The following TMEM45A variants were observed in gnomAD, a reference collection of about 807,000 sequenced individuals.
TMEM45A encodes transmembrane protein 45A.
A neutral mutation model predicts 32.0 loss-of-function variants in TMEM45A; 25 were observed. The observed-to-expected ratio is 0.78, with a 90% CI of 0.57 to 1.09. The LOEUF (loss-of-function observed/expected upper bound fraction) is 1.09, where lower values mean the gene tolerates loss of function less well. Ranked by LOEUF, TMEM45A falls within the 50% of genes least tolerant of loss-of-function variation. The probability of loss-of-function intolerance (pLI) is 0.00; values close to 1 mark genes in which losing one functional copy is unlikely to be tolerated. For synonymous variants in TMEM45A, 122 were observed against 114.8 expected (o/e 1.06, Z -0.40); for missense variants, 302 against 325.0 (o/e 0.93, Z 0.54).
At chr3:100,528,426 C>A (rs951984869) in intron 1 of TMEM45A, among the ~76,000 whole-genome samples, 4 of 152,106 alleles carry the variant, frequency 2.6e-5, no homozygotes, top group Non-Finnish European at 4.4e-5. Context: ...AATTTGTATA[C>A]CTGACCTTCT....
At chr3:100,505,529 T>G (rs1233066559) in intron 1 of TMEM45A, among the ~76,000 whole-genome samples, 2 of 152,266 alleles carry the variant, frequency 1.3e-5, no homozygotes, top group Non-Finnish European at 2.9e-5. Context: ...AGTGCGTCTT[T>G]GCCAAGCATC....
In TMEM45A at chr3:100,552,874, T is replaced by C. The variant is rs185494146; in HGVS notation, c.-3-2335T>C. Among the ~76,000 whole-genome samples, 350 of 152,314 alleles carry C rather than the reference T, an allele frequency of 2.3e-3. 3 individuals are homozygous for C. Among genetic ancestry groups the C allele is most frequent in the African/African-American group, 7.9e-3 (329 of 41,576 alleles). ...TGCTTTCAAGGAGTTTATTCTCTAATTGCAGTCAAGGAGTTCAATAACCAC... is the reference window on the plus strand; with the variant it reads ...TGCTTTCAAGGAGTTTATTCTCTAACTGCAGTCAAGGAGTTCAATAACCAC... On this transcript the variant is annotated intron_variant, in intron 1 of 5. Coordinates refer to ENST00000323523, the MANE Select transcript of TMEM45A (RefSeq NM_018004.3).
intron 1 of TMEM45A, among the ~76,000 whole-genome samples, chr3:100,505,414 ATTTC>A: frequency 1.5e-5 from 1 of 66,444 alleles, no homozygotes; most frequent in Non-Finnish European, 3.6e-5. Flanking sequence ...TCAGAAGAAG[ATTTC>A]ATTGTCTTTT....
At chr3:100,508,984 A>G (rs1212582344) in intron 1 of TMEM45A, among the ~76,000 whole-genome samples, 1 of 152,234 alleles carries the variant, frequency 6.6e-6, no homozygotes, top group Non-Finnish European at 1.5e-5. Flanking sequence ...ATATTAAACT[A>G]GAAAGCTTCT....
At chr3:100,520,975 T>C (rs926840903) in intron 1 of TMEM45A, among the ~76,000 whole-genome samples, 4 of 152,194 alleles carry the variant, frequency 2.6e-5, no homozygotes, top group Non-Finnish European at 5.9e-5. Context: ...CTTTGGCCCA[T>C]GATGGATCAT....
chr3:100,559,412 G>T (rs1269268474), intron 4 of TMEM45A, among the ~76,000 whole-genome samples: 1 of 152,132 alleles, frequency 6.6e-6, no homozygotes, highest in Non-Finnish European at 1.5e-5. Flanking sequence ...GGTAGGTGAG[G>T]GGGAGAGAAA....
intron 5 of TMEM45A, chr3:100,570,571 G>A: frequency 6.6e-6 from 1 of 152,486 alleles, no homozygotes; most frequent in Non-Finnish European, 1.5e-5. Context: ...GACTGGCTCT[G>A]CCATTGAGTG....
At chr3:100,527,721 G>A (rs1230706602) in intron 1 of TMEM45A, among the ~76,000 whole-genome samples, 4 of 152,154 alleles carry the variant, frequency 2.6e-5, no homozygotes, top group Non-Finnish European at 5.9e-5. Flanking sequence ...AACTTTGGCC[G>A]AGGAATCTTC....
At chr3:100,563,754 T>C (rs560371249) in intron 4 of TMEM45A, among the ~76,000 whole-genome samples, 2 of 152,286 alleles carry the variant, frequency 1.3e-5, no homozygotes, top group South Asian at 4.1e-4. Flanking sequence ...TCCGGGGGCT[T>C]CAGGGACCTG....
chr3:100,547,850 G>T (rs974084669), intron 1 of TMEM45A, among the ~76,000 whole-genome samples: 11 of 152,148 alleles, frequency 7.2e-5, no homozygotes, highest in African/African-American at 2.7e-4. Flanking sequence ...TGAAGAGTTA[G>T]TTACAAGCAG....
At chr3:100,515,714 T>C (rs1708251844) in intron 1 of TMEM45A, among the ~76,000 whole-genome samples, 2 of 151,300 alleles carry the variant, frequency 1.3e-5, no homozygotes, top group Admixed American at 6.6e-5. Flanking sequence ...GAACTGCAGG[T>C]CATTATGTTA....
At chr3:100,529,386 A>G (rs960813170) in intron 1 of TMEM45A, among the ~76,000 whole-genome samples, 1 of 152,140 alleles carries the variant, frequency 6.6e-6, no homozygotes, top group African/African-American at 2.4e-5. Flanking sequence ...ATAAATAAGC[A>G]GCTCCTGGGT....
At chr3:100,528,009 A>G (rs1705578712) in intron 1 of TMEM45A, among the ~76,000 whole-genome samples, 2 of 152,376 alleles carry the variant, frequency 1.3e-5, no homozygotes, top group South Asian at 4.1e-4. Context: ...CAGAATGCTT[A>G]GTGAAATTTG....
intron 1 of TMEM45A, among the ~76,000 whole-genome samples, chr3:100,549,878 TC>T: frequency 6.6e-6 from 1 of 151,944 alleles, no homozygotes; most frequent in Middle Eastern, 3.4e-3. Flanking sequence ...TTCATCCATG[TC>T]CCTACAAAGG....
chr3:100,532,257 A>G (rs1426041231), intron 1 of TMEM45A, among the ~76,000 whole-genome samples: 1 of 152,204 alleles, frequency 6.6e-6, no homozygotes, highest in African/African-American at 2.4e-5. Flanking sequence ...CCCCGACATC[A>G]TGTTAAACCA....
chr3:100,560,006 G>GT (rs1251338697), intron 4 of TMEM45A, among the ~76,000 whole-genome samples: 1 of 152,092 alleles, frequency 6.6e-6, no homozygotes, highest in Non-Finnish European at 1.5e-5. Context: ...GTGATGGTTG[G>GT]TTTTTTGGCT....
intron 1 of TMEM45A, among the ~76,000 whole-genome samples, chr3:100,539,137 G>A (rs778165888): frequency 3.3e-5 from 5 of 152,036 alleles, no homozygotes; most frequent in Admixed American, 1.3e-4. Flanking sequence ...CCCAGAATAC[G>A]CCAACATGAT....
rs748350760 is a variant in TMEM45A, at chr3:100,562,815, AT to A, written c.588+4227del. Among the ~76,000 whole-genome samples, 9 of 152,220 alleles carry A rather than the reference AT, an allele frequency of 5.9e-5. No individual in the cohort carries two copies. The East Asian group carries it at 1.5e-3, about 26-fold the overall frequency. On this transcript the variant is annotated intron_variant, in intron 4 of 5. Coordinates refer to ENST00000323523, the MANE Select transcript of TMEM45A (RefSeq NM_018004.3). ...AATATATGCTATAACTTGACAATGC[AT>A]GCTGTCCTGGGGAGAGGGCTGCTAA...
intron 4 of TMEM45A, among the ~76,000 whole-genome samples, chr3:100,560,609 C>A (rs755363386): frequency 6.6e-6 from 1 of 152,008 alleles, no homozygotes; most frequent in Non-Finnish European, 1.5e-5. Flanking sequence ...CTTTGGAATA[C>A]GGCCCAGTGT....
Sources: gnomAD v4.1 joint callset for allele counts (sites outside exome capture counted in the v4.1 genomes callset) on GRCh38, gnomAD v4.1.1 for gene constraint, MANE v1.5 for transcripts, NCBI Gene and HGNC (gene_info 2026-07-23, HGNC 2026-07-21) for gene names.